The following ACAD9 variants were observed in gnomAD, a reference collection of about 807,000 sequenced individuals.
ACAD9 encodes acyl-CoA dehydrogenase family member 9.
ACAD9 carries 53 observed loss-of-function variants against 70.2 expected under a neutral mutation model. The observed-to-expected ratio is 0.75, with a 90% confidence interval of 0.61 to 0.95. ACAD9 has a LOEUF of 0.95. Ranked by LOEUF, ACAD9 falls within the 40% of genes least tolerant of loss-of-function variation. The pLI, the probability that ACAD9 is intolerant of heterozygous loss-of-function variation, is 0.00. For synonymous variants in ACAD9, 313 were observed against 312.1 expected, an observed-to-expected ratio of 1.00 and a Z score of -0.03; for missense variants, 777 against 802.8, an observed-to-expected ratio of 0.97 and a Z score of 0.39.
In ACAD9 at chr3:128,902,576, C is replaced by A; in HGVS notation, c.906C>A (p.Ser302Arg). 1 of 1,614,174 alleles carries A rather than the reference C, an allele frequency of 6.2e-7. No homozygotes were observed. The stretch of plus-strand genomic sequence containing the variant: ...AGGTGGCCATGAACATCCTCAACAG[C>A]GGCCGGTTCAGCATGGGCAGCGTCG... The part of the protein sequence containing the change: ...GFKVAMNILN[S>R]GRFSMGSVVA... The change falls in exon 9 of 18, where the codon AGC (serine) becomes AGA (arginine). Residue 302 changes from serine (S) to arginine (R), a missense_variant. Transcript: ENST00000308982. This position sits in a 1 kb window ranked among gnomAD's most constrained non-coding sequence, Gnocchi z 4.0.
At chr3:128,892,307 A>G (rs145839314) in intron 2 of ACAD9, among the ~76,000 whole-genome samples, 15 of 152,310 alleles carry the variant, frequency 9.8e-5, no homozygotes, top group African/African-American at 2.9e-4. Context: ...TTAAAGGATA[A>G]AAAATGAAGG....
At position 128,912,862 on chromosome 3, in the gene ACAD9, C is replaced by T. The variant is rs1464590084; in HGVS notation, c.*255C>T. The T allele has an allele frequency of 1.6e-6, 1 of 644,424 alleles. No homozygotes were observed. Among genetic ancestry groups the T allele is most frequent in the Non-Finnish European group, 2.9e-6 (1 of 342,216 alleles). The allele number at this position is 644,424 out of a possible 1,614,324, so 39.9% of individuals were successfully genotyped here. On this transcript the variant is annotated 3_prime_UTR_variant, in exon 18 of 18. Transcript: ENST00000308982. The stretch of plus-strand genomic sequence containing the variant: ...AGAATGGAATTGCTGACCCCTGGAA[C>T]TGGCGGGTATTCTGGTCATTGAGGA...
intron 1 of ACAD9, chr3:128,880,099 A>G: frequency 7.5e-7 from 1 of 1,335,770 alleles, no homozygotes; most frequent in Non-Finnish European, 1.0e-6. Context: ...GAATTCGGAA[A>G]ACTCTAGGCT....
intron 17 of ACAD9, among the ~76,000 whole-genome samples, chr3:128,912,256 G>T (rs979710816): frequency 6.6e-6 from 1 of 152,184 alleles, no homozygotes; most frequent in African/African-American, 2.4e-5. Context: ...CGGAGCAAGT[G>T]CCGGCTCCAC....
chr3:128,880,392 C>G (rs1425658451), intron 1 of ACAD9, among the ~76,000 whole-genome samples: 3 of 152,142 alleles, frequency 2.0e-5, no homozygotes, highest in Non-Finnish European at 2.9e-5. Flanking sequence ...TGGGTTTGGT[C>G]TTGGCTCGTT....
rs139073821 is a variant in ACAD9, at chr3:128,902,598, G to C, written c.928G>C (p.Val310Leu). The C allele has an allele frequency of 6.2e-7, 1 of 1,614,168 alleles. No homozygotes were observed. The highest frequency in any genetic ancestry group is 8.5e-7 in the Non-Finnish European group (1 of 1,180,020). The change falls in exon 9 of 18, where the codon GTC (valine) becomes CTC (leucine). Residue 310 changes from valine to leucine, a missense_variant. Coordinates refer to ENST00000308982, the MANE Select transcript of ACAD9 (RefSeq NM_014049.5). The surrounding 1 kb of genome is among the most constrained non-coding windows in gnomAD (Gnocchi z 4.0). ...LNSGRFSMGS[V>L]VAGLLKRLIE... is the part of the protein sequence containing the mutation. ...CAGCGGCCGGTTCAGCATGGGCAGC[G>C]TCGTGGCTGGGCTGCTCAAGAGATT...
intron 11 of ACAD9, among the ~76,000 whole-genome samples, chr3:128,904,736 G>A (rs1326731392): frequency 1.3e-5 from 2 of 152,210 alleles, no homozygotes; most frequent in Non-Finnish European, 2.9e-5. Flanking sequence ...GAAGGAGACC[G>A]TTATGATAAT....
At chr3:128,908,427 C>T in intron 13 of ACAD9, 163 bp downstream of exon 13, 2 of 833,074 alleles carry the variant, frequency 2.4e-6, no homozygotes, top group Non-Finnish European at 3.9e-6. Flanking sequence ...GGGGGGCTTG[C>T]TGCCCAGGGA....
Position 128,899,360 on chromosome 3 carries a change from G to C in ACAD9, c.707G>C (p.Gly236Ala), listed in dbSNP as rs746494284. The C allele has an allele frequency of 6.2e-7, 1 of 1,614,268 alleles. No homozygotes were observed. Among genetic ancestry groups the C allele is most frequent in the South Asian group, 1.1e-5 (1 of 91,088 alleles). ...AAGACTGAGGTCGTTGATTCTGATG[G>C]ATCAGTGAAAGACAAAATCACAGCA... ...FAKTEVVDSDGSVKDKITAFI... is the reference protein window; with the variant it reads ...FAKTEVVDSDASVKDKITAFI... The change falls in exon 7 of 18, where the codon GGA becomes GCA. Residue 236 changes from glycine (G) to alanine (A), a missense_variant. Physicochemically the swap from Gly to Ala is moderately conservative, Grantham distance 60. Coordinates refer to ENST00000308982, the MANE Select transcript of ACAD9 (RefSeq NM_014049.5).
chr3:128,884,847 G>C (rs1235557136), intron 2 of ACAD9, 101 bp downstream of exon 2: 5 of 949,116 alleles, frequency 5.3e-6, no homozygotes, highest in Non-Finnish European at 8.6e-6. Flanking sequence ...CTTCTTGAGG[G>C]AGAAATGGTT....
intron 1 of ACAD9, among the ~76,000 whole-genome samples, chr3:128,880,300 T>C (rs16852013): frequency 0.029 from 4,387 of 152,318 alleles, 107 homozygotes; most frequent in South Asian, 0.11. Flanking sequence ...GGCTCCAAGA[T>C]GCTTCCCAAG....
intron 4 of ACAD9, 82 bp from the exon 5 acceptor site, chr3:128,896,354 C>T: frequency 7.1e-7 from 1 of 1,403,402 alleles, no homozygotes; most frequent in Non-Finnish European, 1.0e-6. Context: ...AAATATTTGC[C>T]TCAGAAAGGA....
At chr3:128,900,338 C>T (rs760948937) in intron 7 of ACAD9, among the ~76,000 whole-genome samples, 2 of 152,056 alleles carry the variant, frequency 1.3e-5, no homozygotes, top group South Asian at 2.1e-4. Context: ...CCCGGGTTCA[C>T]GCCATTCTCC....
chr3:128,900,395 G>A (rs1371948244), intron 7 of ACAD9, among the ~76,000 whole-genome samples: 5 of 152,006 alleles, frequency 3.3e-5, no homozygotes, highest in Admixed American at 2.0e-4. Flanking sequence ...CTGCCACCAC[G>A]TCCGGCTAAT....
chr3:128,899,113 T>C (rs1464971413), intron 6 of ACAD9, among the ~76,000 whole-genome samples, 174 bp from the exon 7 acceptor site: 1 of 151,888 alleles, frequency 6.6e-6, no homozygotes, highest in African/African-American at 2.4e-5. Flanking sequence ...CTGGGGAAAG[T>C]GGGCTGAGCC....
chr3:128,899,408 G>A lies in ACAD9; in HGVS notation c.755G>A (p.Gly252Asp), dbSNP rs1935665522. The A allele has an allele frequency of 6.2e-7, 1 of 1,614,240 alleles. No individual in the cohort carries two copies. Among genetic ancestry groups the A allele is most frequent in the South Asian group, 1.1e-5 (1 of 91,082 alleles). Residue 252 changes from glycine to aspartate, a missense_variant, in exon 7 of 18, where the codon GGT (glycine) becomes GAT (aspartate). By Grantham distance (94) the Gly-to-Asp change is moderately conservative (BLOSUM62 -1). Coordinates refer to ENST00000308982, the MANE Select transcript of ACAD9 (RefSeq NM_014049.5). ...ITAFIVERDF[G>D]GVTNGKPEDK... is the part of the protein sequence containing the mutation. ...GCATTCATAGTAGAAAGAGACTTTG[G>A]TGGAGTCACTAATGGGAAACCCGAA...
At position 128,912,691 on chromosome 3, in the gene ACAD9, T is replaced by C; in HGVS notation, c.*84T>C. ...ACTGTTACTCTTTTTTCAGAAGGTG[T>C]TGGGATTATCACAGGTTAAGCCTTT... On this transcript the variant is annotated 3_prime_UTR_variant, in exon 18 of 18. Coordinates refer to ENST00000308982, the MANE Select transcript of ACAD9 (RefSeq NM_014049.5). The C allele has an allele frequency of 8.0e-7, 1 of 1,250,868 alleles. No individual in the cohort carries two copies. Among genetic ancestry groups the C allele is most frequent in the South Asian group, 1.2e-5 (1 of 83,956 alleles). The allele number at this position is 1,250,868 out of a possible 1,614,324, so 77.5% of individuals were successfully genotyped here.
intron 6 of ACAD9, among the ~76,000 whole-genome samples, chr3:128,898,818 G>A (rs1935646476): frequency 6.6e-6 from 1 of 152,088 alleles, no homozygotes; most frequent in South Asian, 2.1e-4. Flanking sequence ...GTTTGTTAAG[G>A]AGTCTGTTTC....
At chr3:128,892,450 TTTAA>T (rs1935449293) in intron 2 of ACAD9, among the ~76,000 whole-genome samples, 1 of 152,216 alleles carries the variant, frequency 6.6e-6, no homozygotes, top group Non-Finnish European at 1.5e-5. Context: ...AGAAGTACAC[TTTAA>T]TTAATTTGAT....
Sources: allele counts gnomAD v4.1 joint callset (sites outside exome capture counted in the v4.1 genomes callset), GRCh38; gene constraint gnomAD v4.1.1; non-coding constraint Gnocchi (gnomAD v3.1); transcripts MANE v1.5; gene names NCBI Gene and HGNC (gene_info 2026-07-23, HGNC 2026-07-21).